LTBP1: variants seen among roughly 807,000 people sequenced by gnomAD.
The protein encoded by LTBP1 is latent-transforming growth factor beta-binding protein 1.
LTBP1 carries 129 observed loss-of-function variants against 207.6 expected under a neutral mutation model. That is an observed-to-expected ratio of 0.62 (90% CI 0.54 to 0.72). The LOEUF (loss-of-function observed/expected upper bound fraction) is 0.72, where lower values mean the gene tolerates loss of function less well. Ranked by LOEUF, LTBP1 falls within the 30% of genes least tolerant of loss-of-function variation. The pLI is 0.00. For missense variants in LTBP1, 2,281 were observed against 2,217.2 expected, an observed-to-expected ratio of 1.03 and a Z score of -0.58; for synonymous variants, 963 against 833.7, an observed-to-expected ratio of 1.16 and a Z score of -2.67.
intron 22 of LTBP1, among the ~76,000 whole-genome samples, chr2:33,306,518 C>G (rs1573743289): frequency 3.3e-5 from 5 of 151,412 alleles, no homozygotes. Context: ...TGCAGTGAGT[C>G]AAGATCACGC....
chr2:33,330,285 C>T (rs957645052), intron 24 of LTBP1, among the ~76,000 whole-genome samples: 3 of 151,984 alleles, frequency 2.0e-5, no homozygotes, highest in Non-Finnish European at 2.9e-5. Flanking sequence ...CTTTGCATCT[C>T]CCACATATAC....
intron 15 of LTBP1, among the ~76,000 whole-genome samples, chr2:33,273,114 C>T (rs1359804377): frequency 6.6e-6 from 1 of 152,122 alleles, no homozygotes; most frequent in Non-Finnish European, 1.5e-5. Flanking sequence ...GAGTAAGATA[C>T]ACCAAGAAGT....
At chr2:33,221,482 T>C (rs2091099424) in intron 8 of LTBP1, among the ~76,000 whole-genome samples, 2 of 152,216 alleles carry the variant, frequency 1.3e-5, no homozygotes, top group South Asian at 4.1e-4. Flanking sequence ...GCAACATTTG[T>C]ATTGTTTGCA....
At chr2:33,222,519 A>T (rs919269275) in intron 9 of LTBP1, among the ~76,000 whole-genome samples, 3 of 152,200 alleles carry the variant, frequency 2.0e-5, no homozygotes, top group African/African-American at 7.2e-5. Flanking sequence ...TTCATTGCCA[A>T]TGCATGGTTG....
intron 3 of LTBP1, among the ~76,000 whole-genome samples, chr2:33,031,154 C>A (rs2075674273): frequency 6.6e-6 from 1 of 152,082 alleles, no homozygotes; most frequent in Admixed American, 6.5e-5. Flanking sequence ...AAAAATCCCC[C>A]CTTGTCCATG....
Position 33,134,210 on chromosome 2 carries a change from C to T in LTBP1, c.1034-583C>T, listed in dbSNP as rs907208175. 1.3e-5 allele frequency among the ~76,000 whole-genome samples: 2 copies of T among 152,210 alleles called. No individual in the cohort carries two copies. The highest frequency in any genetic ancestry group is 2.9e-5 in the Non-Finnish European group (2 of 68,048). Reference sequence around the variant, plus strand: ...CCTGGAGTTGTGAAAAAGAAATGGGCTCCCGCAGCTGCGTCACAGCATTTG... The same window carrying T: ...CCTGGAGTTGTGAAAAAGAAATGGGTTCCCGCAGCTGCGTCACAGCATTTG... On this transcript the variant is annotated intron_variant, in intron 4 of 33. Coordinates refer to ENST00000404816, the MANE Select transcript of LTBP1 (RefSeq NM_206943.4). The surrounding 1 kb of genome is among the most constrained non-coding windows in gnomAD (Gnocchi z 4.4).
chr2:33,052,577 T>TA (rs2076799142), intron 3 of LTBP1, among the ~76,000 whole-genome samples: 2 of 152,212 alleles, frequency 1.3e-5, no homozygotes, highest in Non-Finnish European at 2.9e-5. Context: ...AATAAACTTA[T>TA]TGTCTAAAAG....
intron 3 of LTBP1, among the ~76,000 whole-genome samples, chr2:33,105,309 A>G (rs1572657080): frequency 2.0e-5 from 3 of 152,238 alleles, no homozygotes; most frequent in African/African-American, 4.8e-5. Context: ...GTGTAATAGC[A>G]TTATGTCTAA....
At chr2:33,322,360 C>T (rs2094368183) in intron 24 of LTBP1, among the ~76,000 whole-genome samples, 1 of 152,168 alleles carries the variant, frequency 6.6e-6, no homozygotes. Flanking sequence ...TGTCAACAAC[C>T]CGAGTCCTTT....
chr2:33,389,218 G>C lies in LTBP1; in HGVS notation c.4746G>C (p.Thr1582=), dbSNP rs766035408. 16 of 1,614,014 alleles carry C rather than the reference G, an allele frequency of 9.9e-6. No homozygotes were observed. Among genetic ancestry groups the C allele is most frequent in the Non-Finnish European group, 1.4e-5 (16 of 1,180,050 alleles). ...DYAQLCNIPV[T]GRRQPYGRDA... is the part of the protein sequence containing the mutation. ...CTCAGCTGTGTAACATCCCCGTGAC[G>C]GGACGCCGGCAGCCATATGGACGGG... is the stretch of plus-strand genomic sequence containing the variant. Residue 1582 remains threonine (T), a synonymous_variant, in exon 32 of 34, where the codon ACG becomes ACC. Transcript: ENST00000404816.
chr2:33,355,907 T>A (rs1334679087), intron 26 of LTBP1, among the ~76,000 whole-genome samples: 1 of 151,458 alleles, frequency 6.6e-6, no homozygotes, highest in Non-Finnish European at 1.5e-5. Context: ...TGTGGAGAGA[T>A]CCTCTTTTAA....
chr2:33,285,261 C>T (rs541764533), intron 19 of LTBP1, among the ~76,000 whole-genome samples: 5 of 150,928 alleles, frequency 3.3e-5, no homozygotes, highest in Admixed American at 2.6e-4. Context: ...AGGCTAGCCT[C>T]GAACTCCTGA....
chr2:33,140,668 A>ATT (rs1491029745), intron 5 of LTBP1, among the ~76,000 whole-genome samples: 3 of 101,938 alleles, frequency 2.9e-5, no homozygotes, highest in Non-Finnish European at 4.0e-5. Context: ...TTAATTAATT[A>ATT]ATTTTTTTTT....
At chr2:33,065,407 AGCTGGGT>A (rs1328898833) in intron 3 of LTBP1, among the ~76,000 whole-genome samples, 9 of 152,114 alleles carry the variant, frequency 5.9e-5, no homozygotes, top group African/African-American at 2.2e-4. Flanking sequence ...TAAAAATATT[AGCTGGGT>A]GTGGTGGTGC....
At chr2:33,126,322 C>A (rs534957106) in intron 4 of LTBP1, among the ~76,000 whole-genome samples, 2 of 152,300 alleles carry the variant, frequency 1.3e-5, no homozygotes, top group East Asian at 3.9e-4. Flanking sequence ...TCCCCCTCAG[C>A]CTCCCAAAGT....
At chr2:33,037,128 T>C (rs1177877225) in intron 3 of LTBP1, among the ~76,000 whole-genome samples, 1 of 152,160 alleles carries the variant, frequency 6.6e-6, no homozygotes, top group Non-Finnish European at 1.5e-5. Context: ...GGCTAACTTA[T>C]TGTCTTAGCA....
intron 3 of LTBP1, among the ~76,000 whole-genome samples, chr2:33,024,901 G>A (rs1444424925): frequency 1.3e-5 from 2 of 152,228 alleles, no homozygotes; most frequent in South Asian, 2.1e-4. Flanking sequence ...AGTCAGCAGG[G>A]GTGGCAGTCA....
intron 2 of LTBP1, among the ~76,000 whole-genome samples, chr2:32,989,929 T>C (rs1021417683): frequency 2.6e-5 from 4 of 152,186 alleles, no homozygotes; most frequent in Non-Finnish European, 5.9e-5. Flanking sequence ...GGCATTTACC[T>C]AGCACTAGGT....
Position 33,320,050 on chromosome 2 carries a change from C to T in LTBP1, c.3730+4781C>T, listed in dbSNP as rs1391142575. Among the ~76,000 whole-genome samples, 3 of 152,222 alleles carry T rather than the reference C, an allele frequency of 2.0e-5. No individual in the cohort carries two copies. The East Asian group carries it at 5.8e-4, about 29-fold the overall frequency. ...ATCCCCACTTACTTAGAGGCAATAA[C>T]TAATAGATAACTAAGATGTTAGAAA... On this transcript the variant is annotated intron_variant, in intron 24 of 33. Transcript: ENST00000404816.
Sources: gnomAD v4.1 joint callset for allele counts (sites outside exome capture counted in the v4.1 genomes callset) on GRCh38, gnomAD v4.1.1 for gene constraint, Gnocchi (gnomAD v3.1) non-coding constraint, MANE v1.5 for transcripts, NCBI Gene and HGNC (gene_info 2026-07-23, HGNC 2026-07-21) for gene names.